The following RASA4 variants were observed in gnomAD, a reference collection of about 807,000 sequenced individuals.
The protein encoded by RASA4 is ras GTPase-activating protein 4.
RASA4 carries 5 observed loss-of-function variants against 24.0 expected under a neutral mutation model. The ratio of observed to expected loss-of-function variants is 0.21; its 90% CI spans 0.11 to 0.44. The LOEUF (loss-of-function observed/expected upper bound fraction) is 0.44. Ranked by LOEUF, RASA4 falls within the 20% of genes least tolerant of loss-of-function variation. The pLI is 0.99. For synonymous variants in RASA4, 9 were observed against 132.7 expected (o/e 0.07, Z 6.41); for missense variants, 38 against 293.0 (o/e 0.13, Z 6.35).
At chr7:102,589,997 G>T in intron 17 of RASA4, among the ~76,000 whole-genome samples, 162 bp downstream of exon 17, 1 of 88,036 alleles carries the variant, frequency 1.1e-5, no homozygotes, top group Non-Finnish European at 2.5e-5. Context: ...CACTCCCACA[G>T]CACCCAGGCC....
At chr7:102,597,911 G>T (rs1356272368) in intron 8 of RASA4, among the ~76,000 whole-genome samples, 1 of 78,798 alleles carries the variant, frequency 1.3e-5, no homozygotes, top group African/African-American at 3.5e-5. Flanking sequence ...GGCCAGGCTG[G>T]TCTCGAACTC....
chr7:102,591,970 A>T (rs1168562078), intron 16 of RASA4, among the ~76,000 whole-genome samples: 3 of 152,230 alleles, frequency 2.0e-5, no homozygotes, highest in African/African-American at 7.2e-5. Context: ...AGTAGCTGGG[A>T]CTACAGGCAC....
At chr7:102,589,969 TTCC>T (rs1789894150) in intron 17 of RASA4, among the ~76,000 whole-genome samples, 187 bp downstream of exon 17, 1 of 19,804 alleles carries the variant, frequency 5.0e-5, no homozygotes, top group African/African-American at 1.3e-4. Context: ...ACCCAGGGCA[TTCC>T]CATAGCATCC....
rs1586829521 is a variant in RASA4 at position 102,580,411 on chromosome 7, TAA to T, written c.*2358_*2359del. The T allele has an allele frequency of 3.6e-4, 28 of 76,856 alleles. No individual in the cohort carries two copies. The highest frequency in any genetic ancestry group is 7.6e-4 in the Admixed American group (5 of 6,562). 4.8% of individuals were successfully genotyped at this position (76,856 alleles called of 1,614,324 possible). ...TTCCTTTTTTTTTTTTTTTTTTTTT[TAA>T]TTTTAGGGACTAGGTTTTGCTATGT... On this transcript the variant is annotated 3_prime_UTR_variant, in exon 21 of 21. Transcript: ENST00000262940.
intron 5 of RASA4, among the ~76,000 whole-genome samples, chr7:102,604,360 C>T (rs1790521554): frequency 6.8e-6 from 1 of 147,282 alleles, no homozygotes; most frequent in South Asian, 2.2e-4. Context: ...ATTCCTCTCC[C>T]CTGCTAGGAC....
chr7:102,599,553 C>T (rs1303449663), intron 8 of RASA4, among the ~76,000 whole-genome samples: 3 of 116,690 alleles, frequency 2.6e-5, no homozygotes, highest in Admixed American at 1.8e-4. Flanking sequence ...AGGAGAATGG[C>T]GTGAACCCGG....
rs1811188 is a variant in RASA4, at chr7:102,588,826, A to G, written c.1969-1056T>C. On this transcript the variant is annotated intron_variant, in intron 17 of 20. Coordinates refer to ENST00000262940, the MANE Select transcript of RASA4 (RefSeq NM_006989.6). ...ACTACAGGCGCACACCACCACACCC[A>G]GCTACTTTTTGTACTCTCCCTGACC... Among the ~76,000 whole-genome samples the G allele has an allele frequency of 4.3e-3, 165 of 38,204 alleles. 30 individuals are homozygous for G. The highest frequency in any genetic ancestry group is 9.0e-3 in the African/African-American group (149 of 16,626). 25.1% of individuals were successfully genotyped at this position (38,204 alleles called of 152,430 possible).
intron 8 of RASA4, among the ~76,000 whole-genome samples, chr7:102,599,619 G>C (rs1790361336): frequency 6.9e-6 from 1 of 145,262 alleles, no homozygotes; most frequent in Non-Finnish European, 1.5e-5. Context: ...CCTGGGGACA[G>C]AGTGAGACTC....
chr7:102,595,034 A>G (rs866681245), intron 11 of RASA4, among the ~76,000 whole-genome samples: 2 of 56,424 alleles, frequency 3.5e-5, no homozygotes, highest in African/African-American at 8.0e-5. Flanking sequence ...CCACCATGCC[A>G]GGCTAATTTT....
At chr7:102,602,892 C>T (rs1229136462) in intron 5 of RASA4, among the ~76,000 whole-genome samples, 1 of 146,624 alleles carries the variant, frequency 6.8e-6, no homozygotes, top group Admixed American at 6.8e-5. Context: ...AGGTGCAGCC[C>T]TGATGGGCGG....
At position 102,580,201 on chromosome 7, in the gene RASA4, G is replaced by A. The variant is rs1586829200; in HGVS notation, c.*2570C>T. 5.8e-6 allele frequency: 1 copy of A among 171,562 alleles called. No individual in the cohort carries two copies. Among genetic ancestry groups the A allele is most frequent in the South Asian group, 1.0e-4 (1 of 9,956 alleles). The allele number at this position is 171,562 out of a possible 1,614,324, so 10.6% of individuals were successfully genotyped here. ...TCATTTCTTAACATTTTGTTTTGTT[G>A]CAATTGGTTGCTGTAAGTCACCTAA... On this transcript the variant is annotated 3_prime_UTR_variant, in exon 21 of 21. Transcript: ENST00000262940.
At position 102,595,289 on chromosome 7, in the gene RASA4, T is replaced by C. The variant is rs1239660020; in HGVS notation, c.1071+16A>G. 12 of 1,440,172 alleles carry C rather than the reference T, an allele frequency of 8.3e-6. 2 individuals carry two copies. Among genetic ancestry groups the C allele is most frequent in the Non-Finnish European group, 1.1e-5 (12 of 1,058,816 alleles). 89.2% of individuals were successfully genotyped at this position (1,440,172 alleles called of 1,614,324 possible). ...TGTCATTTGCAAGATGAGGACAATA[T>C]AGCATGCAACCTCACCTTCAGAAAA... On this transcript the variant is annotated intron_variant, in intron 11 of 20. Transcript: ENST00000262940.
chr7:102,610,631 G>T (rs1790803249), intron 2 of RASA4, among the ~76,000 whole-genome samples: 1 of 152,012 alleles, frequency 6.6e-6, no homozygotes, highest in Non-Finnish European at 1.5e-5. Context: ...GGCCAGACTT[G>T]GGCTCCAGTG....
intron 1 of RASA4, chr7:102,612,273 G>C (rs1264450818): frequency 6.7e-6 from 1 of 149,184 alleles, no homozygotes; most frequent in South Asian, 2.2e-4. Context: ...CTACCTGGGG[G>C]CGGGGAGCAT....
rs1801459715 is a variant in RASA4, at chr7:102,579,989, C to T, written c.*2782G>A. 2 of 249,728 alleles carry T rather than the reference C, an allele frequency of 8.0e-6. No homozygotes were observed. The highest frequency in any genetic ancestry group is 1.6e-5 in the Non-Finnish European group (2 of 122,756). 15.5% of individuals were successfully genotyped at this position (249,728 alleles called of 1,614,324 possible). Reference sequence around the variant, plus strand: ...TAAAGACGGGGATTTCGCCACGTTGCCCAGGCTGGTCTCGAACTCCTGAGC... The same window carrying T: ...TAAAGACGGGGATTTCGCCACGTTGTCCAGGCTGGTCTCGAACTCCTGAGC... On this transcript the variant is annotated 3_prime_UTR_variant, in exon 21 of 21. Transcript: ENST00000262940.
Position 102,595,319 on chromosome 7 carries a change from C to T in RASA4, c.1057G>A (p.Glu353Lys), listed in dbSNP as rs1342150634. ...RSNSLASKSM[E>K]SFLKVAGMQY... The stretch of plus-strand genomic sequence containing the variant: ...TGCAACCTCACCTTCAGAAAAGACT[C>T]CATGGACTTTGAGGCCAGAGAGTTG... The change falls in exon 11 of 21, where the codon GAG becomes AAG. Residue 353 changes from glutamate (E) to lysine (K), a missense_variant. Transcript: ENST00000262940. The T allele has an allele frequency of 2.7e-6, 4 of 1,455,920 alleles. No individual in the cohort carries two copies. In the African/African-American group the frequency reaches 5.9e-5, roughly 21 times the overall value. The allele number at this position is 1,455,920 out of a possible 1,614,324, so 90.2% of individuals were successfully genotyped here. A position where few individuals can be genotyped will look rare whatever the true frequency, so the allele number is the denominator to read the frequency against.
chr7:102,597,713 C>T (rs1239371027), intron 8 of RASA4, among the ~76,000 whole-genome samples: 11 of 141,712 alleles, frequency 7.8e-5, no homozygotes, highest in Non-Finnish European at 1.4e-4. Flanking sequence ...CATGAGCCAC[C>T]GCACCCGGCT....
chr7:102,605,979 C>G lies in RASA4; in HGVS notation c.307G>C (p.Gly103Arg). 1 of 1,609,908 alleles carries G rather than the reference C, an allele frequency of 6.2e-7. No individual in the cohort carries two copies. The highest frequency in any genetic ancestry group is 8.5e-7 in the Non-Finnish European group (1 of 1,179,204). Residue 103 changes from glycine (G) to arginine (R), a missense_variant, in exon 5 of 21, where the codon GGG becomes CGG. Coordinates refer to ENST00000262940, the MANE Select transcript of RASA4 (RefSeq NM_006989.6). ...TCGACCTCCGTCAGGTGGGCCCACC[C>G]GCTGAAACCTGTGGGGTCAGCTCAG... ...TIASHPKGFS[G>R]WAHLTEVDPD...
Position 102,580,182 on chromosome 7 carries a change from C to A in RASA4, c.*2589G>T, listed in dbSNP as rs1356291180. The A allele has an allele frequency of 5.1e-6, 1 of 196,874 alleles. No individual in the cohort carries two copies. The highest frequency in any genetic ancestry group is 2.4e-5 in the African/African-American group (1 of 41,848). The allele number at this position is 196,874 out of a possible 1,614,324, so 12.2% of individuals were successfully genotyped here. A position where few individuals can be genotyped will look rare whatever the true frequency, so the allele number is the denominator to read the frequency against. On this transcript the variant is annotated 3_prime_UTR_variant, in exon 21 of 21. Coordinates refer to ENST00000262940, the MANE Select transcript of RASA4 (RefSeq NM_006989.6). Reference sequence around the variant, plus strand: ...CAATTGCCTCATAAAAAGATCATTTCTTAACATTTTGTTTTGTTGCAATTG... The same window carrying A: ...CAATTGCCTCATAAAAAGATCATTTATTAACATTTTGTTTTGTTGCAATTG...
Sources: gnomAD v4.1 joint callset for allele counts (sites outside exome capture counted in the v4.1 genomes callset) on GRCh38, gnomAD v4.1.1 for gene constraint, MANE v1.5 for transcripts, NCBI Gene and HGNC (gene_info 2026-07-23, HGNC 2026-07-21) for gene names.